THSD4: variants seen among roughly 807,000 people sequenced by gnomAD.
THSD4 encodes thrombospondin type-1 domain-containing protein 4.
Under a neutral mutation model 119.0 loss-of-function variants are expected in THSD4, and 69 were observed. That is an observed-to-expected ratio of 0.58 (90% confidence interval 0.48 to 0.71). THSD4 has a LOEUF of 0.71. Among genes scored for constraint, THSD4 ranks in the 30% least tolerant of loss-of-function variants. The pLI is 0.00. For missense variants in THSD4, 1,393 were observed against 1,391.1 expected (o/e 1.00, Z -0.02); for synonymous variants, 524 against 540.4 (o/e 0.97, Z 0.42).
chr15:71,561,389 T>C (rs1288119194), intron 7 of THSD4, among the ~76,000 whole-genome samples: 2 of 152,170 alleles, frequency 1.3e-5, no homozygotes, highest in Admixed American at 6.5e-5. Flanking sequence ...ATGGCAGCTA[T>C]CACCATTATT....
intron 6 of THSD4, among the ~76,000 whole-genome samples, chr15:71,309,278 C>A (rs985982714): frequency 4.6e-5 from 7 of 152,126 alleles, no homozygotes; most frequent in Non-Finnish European, 8.8e-5. Context: ...TAATGTTGAG[C>A]ATATTACTGA....
chr15:71,508,937 A>ATTTTTTT lies in THSD4; in HGVS notation c.1152+97122_1152+97128dup, dbSNP rs56074729. Among the ~76,000 whole-genome samples, 752 of 144,036 alleles carry ATTTTTTT rather than the reference A, an allele frequency of 5.2e-3. 8 individuals carry two copies. Among genetic ancestry groups the ATTTTTTT allele is most frequent in the African/African-American group, 0.019 (727 of 38,510 alleles). 94.5% of individuals were successfully genotyped at this position (144,036 alleles called of 152,430 possible). A position where few individuals can be genotyped will look rare whatever the true frequency, so the allele number is the denominator to read the frequency against. ...TGCAAAAAGAAAAATAAAAGGATGG[A>ATTTTTTT]TTTTTTTTTTTTTTCAAAAAAGGAA... is the stretch of plus-strand genomic sequence containing the variant. On this transcript the variant is annotated intron_variant, in intron 7 of 17. Coordinates refer to ENST00000261862, the MANE Select transcript of THSD4 (RefSeq NM_024817.3).
At chr15:71,599,762 C>T (rs4278701) in intron 7 of THSD4, among the ~76,000 whole-genome samples, 27,697 of 152,134 alleles carry the variant, frequency 0.18, 3,157 homozygotes, top group East Asian at 0.49. Flanking sequence ...CCAGGAGGAA[C>T]GTGTGTGCAT....
chr15:71,371,239 C>T (rs907932160), intron 6 of THSD4, among the ~76,000 whole-genome samples: 2 of 152,086 alleles, frequency 1.3e-5, no homozygotes, highest in Non-Finnish European at 2.9e-5. Flanking sequence ...TCCAGTTTGC[C>T]AGTTTGTGTC....
intron 7 of THSD4, among the ~76,000 whole-genome samples, chr15:71,629,272 C>T (rs2050570648): frequency 6.6e-6 from 1 of 152,204 alleles, no homozygotes; most frequent in South Asian, 2.1e-4. Flanking sequence ...CAACTGACAG[C>T]CTTCAGGTCT....
intron 7 of THSD4, among the ~76,000 whole-genome samples, chr15:71,418,778 T>A (rs2140513097): frequency 9.1e-6 from 1 of 109,418 alleles, no homozygotes; most frequent in African/African-American, 3.1e-5. Flanking sequence ...TATGGTAAAA[T>A]TCAGCAGTGA....
intron 6 of THSD4, among the ~76,000 whole-genome samples, chr15:71,272,037 T>A (rs2140304476): frequency 6.6e-6 from 1 of 152,206 alleles, no homozygotes; most frequent in African/African-American, 2.4e-5. Flanking sequence ...AAATCATACG[T>A]CAGATCAGGG....
At position 71,417,164 on chromosome 15, in the gene THSD4, T is replaced by C. The variant is rs2140511486; in HGVS notation, c.1152+5341T>C. Among the ~76,000 whole-genome samples the C allele has an allele frequency of 2.8e-5, 3 of 108,764 alleles. 1 individual carries two copies. Among genetic ancestry groups the C allele is most frequent in the African/African-American group, 9.4e-5 (3 of 32,058 alleles). 71.4% of individuals were successfully genotyped at this position (108,764 alleles called of 152,430 possible). A position where few individuals can be genotyped will look rare whatever the true frequency, so the allele number is the denominator to read the frequency against. ...TTGTCAGATGGGTAGTTTGCAAATATTTTCTCCCATTCTGTGGGTTGTCTC... is the reference window on the plus strand; with the variant it reads ...TTGTCAGATGGGTAGTTTGCAAATACTTTCTCCCATTCTGTGGGTTGTCTC... On this transcript the variant is annotated intron_variant, in intron 7 of 17. Transcript: ENST00000261862.
At chr15:71,305,013 C>G (rs1156302005) in intron 6 of THSD4, among the ~76,000 whole-genome samples, 1 of 152,210 alleles carries the variant, frequency 6.6e-6, no homozygotes, top group Non-Finnish European at 1.5e-5. Context: ...CCGTGAATCA[C>G]AGTGGTCCAT....
intron 3 of THSD4, among the ~76,000 whole-genome samples, chr15:71,214,177 A>C (rs1280207694): frequency 1.4e-5 from 2 of 145,896 alleles, no homozygotes. Context: ...ACCGATCAGC[A>C]CTCTGTAAAA....
At chr15:71,433,148 T>A (rs2046964253) in intron 7 of THSD4, among the ~76,000 whole-genome samples, 1 of 151,718 alleles carries the variant, frequency 6.6e-6, no homozygotes, top group South Asian at 2.1e-4. Context: ...ACGGCATATT[T>A]ACTAGTAAGT....
chr15:71,445,549 C>T (rs772726827), intron 7 of THSD4, among the ~76,000 whole-genome samples: 1 of 152,202 alleles, frequency 6.6e-6, no homozygotes, highest in Non-Finnish European at 1.5e-5. Context: ...ATCTCACAAC[C>T]TCAGAGTGCA....
chr15:71,341,260 C>G, intron 6 of THSD4: 2 of 1,593,374 alleles, frequency 1.3e-6, no homozygotes, highest in Non-Finnish European at 1.7e-6. Flanking sequence ...GTTCCTTTTC[C>G]GTAAGGATCA....
At position 71,527,929 on chromosome 15, in the gene THSD4, T is replaced by A. The variant is rs111449678; in HGVS notation, c.1152+116106T>A. Among the ~76,000 whole-genome samples, 487 of 152,160 alleles carry A rather than the reference T, an allele frequency of 3.2e-3. 2 individuals carry two copies. The highest frequency in any genetic ancestry group is 0.011 in the African/African-American group (440 of 41,526). Reference sequence around the variant, plus strand: ...TGTCTTGCCATGTTGCCCAGGCTGGTGGTCTCAAACTCCTGGGCTCAAGCA... The same window carrying A: ...TGTCTTGCCATGTTGCCCAGGCTGGAGGTCTCAAACTCCTGGGCTCAAGCA... On this transcript the variant is annotated intron_variant, in intron 7 of 17. Coordinates refer to ENST00000261862, the MANE Select transcript of THSD4 (RefSeq NM_024817.3).
In THSD4 at chr15:71,480,200, C is replaced by G. The variant is rs562162836; in HGVS notation, c.1152+68377C>G. Among the ~76,000 whole-genome samples the G allele has an allele frequency of 5.3e-5, 8 of 152,266 alleles. No individual in the cohort carries two copies. The East Asian group carries it at 1.6e-3, about 30-fold the overall frequency. On this transcript the variant is annotated intron_variant, in intron 7 of 17. Transcript: ENST00000261862. ...CACAGGCACATGCCAGGATGCCTGGCTAATTTTTGTTATTTTTTGTAGAGA... is the reference window on the plus strand; with the variant it reads ...CACAGGCACATGCCAGGATGCCTGGGTAATTTTTGTTATTTTTTGTAGAGA...
intron 6 of THSD4, among the ~76,000 whole-genome samples, chr15:71,373,695 C>T (rs1044780406): frequency 6.6e-6 from 1 of 152,168 alleles, no homozygotes; most frequent in Non-Finnish European, 1.5e-5. Context: ...CAAATTGCCT[C>T]TCCATGAGCT....
intron 14 of THSD4, among the ~76,000 whole-genome samples, chr15:71,751,900 A>T (rs1000120854): frequency 3.9e-5 from 6 of 152,174 alleles, no homozygotes; most frequent in African/African-American, 1.4e-4. Flanking sequence ...ATAAATCTTT[A>T]TATGCACCTC....
At chr15:71,139,513 C>T (rs2040581863) in intron 1 of THSD4, among the ~76,000 whole-genome samples, 1 of 152,182 alleles carries the variant, frequency 6.6e-6, no homozygotes, top group Non-Finnish European at 1.5e-5. Flanking sequence ...CCTGGTGGAT[C>T]TCAGTGTAAT....
intron 7 of THSD4, among the ~76,000 whole-genome samples, chr15:71,515,790 C>T (rs1203009486): frequency 2.6e-5 from 4 of 152,120 alleles, no homozygotes; most frequent in Admixed American, 6.5e-5. Context: ...TCGGGTTTCA[C>T]GGAAGTGGCT....
Sources: gnomAD v4.1 joint callset for allele counts (sites outside exome capture counted in the v4.1 genomes callset) on GRCh38, gnomAD v4.1.1 for gene constraint, MANE v1.5 for transcripts, NCBI Gene and HGNC (gene_info 2026-07-23, HGNC 2026-07-21) for gene names.